RABGAP1: variants seen among roughly 807,000 people sequenced by gnomAD.
RABGAP1 encodes the protein RAB GTPase activating protein 1, also known as rab GTPase-activating protein 1.
RABGAP1 carries 23 observed loss-of-function variants against 137.6 expected under a neutral mutation model. The observed-to-expected ratio is 0.17, with a 90% CI of 0.12 to 0.24. The LOEUF (loss-of-function observed/expected upper bound fraction) is 0.24. RABGAP1 is among the 10% of genes least tolerant of loss of function. The pLI is 1.00. For missense variants in RABGAP1, 906 were observed against 1,275.8 expected (o/e 0.71, Z 4.42); for synonymous variants, 451 against 450.7 (o/e 1.00, Z -0.01).
intron 1 of RABGAP1, among the ~76,000 whole-genome samples, chr9:122,943,072 C>CTTTCTTTTTTT (rs1833696351): frequency 8.6e-6 from 1 of 116,224 alleles, no homozygotes; most frequent in African/African-American, 4.2e-5. Flanking sequence ...GGTGCACTTT[C>CTTTCTTTTTTT]TTTTTTTTTT....
At chr9:122,996,401 T>G in intron 7 of RABGAP1, 138 bp from the exon 8 acceptor site, 1 of 1,100,984 alleles carries the variant, frequency 9.1e-7, no homozygotes, top group Non-Finnish European at 1.3e-6. Flanking sequence ...AGGATTATTA[T>G]TTTAGCAACA....
intron 12 of RABGAP1, among the ~76,000 whole-genome samples, 154 bp from the exon 13 acceptor site, chr9:123,020,155 C>A (rs2031529868): frequency 6.6e-6 from 1 of 151,940 alleles, no homozygotes; most frequent in Non-Finnish European, 1.5e-5. Context: ...GTTATCTTGG[C>A]CTCATCTAAT....
chr9:123,076,996 A>G (rs2034531424), intron 19 of RABGAP1: 1 of 176,866 alleles, frequency 5.7e-6, no homozygotes, highest in South Asian at 1.9e-4. Context: ...TACGAATGAA[A>G]TCTCGTTGTC....
At chr9:123,072,780 C>T (rs1056363582) in intron 15 of RABGAP1, among the ~76,000 whole-genome samples, 2 of 152,224 alleles carry the variant, frequency 1.3e-5, no homozygotes, top group Non-Finnish European at 2.9e-5. Context: ...GATTTCTGTG[C>T]TCAGCCCGCC....
At chr9:122,952,519 C>A (rs181746252) in intron 1 of RABGAP1, among the ~76,000 whole-genome samples, 1 of 152,088 alleles carries the variant, frequency 6.6e-6, no homozygotes, top group Non-Finnish European at 1.5e-5. Context: ...CTGCCCGCCT[C>A]GGCCTCCCAA....
chr9:122,954,206 A>C (rs756436662), intron 1 of RABGAP1, among the ~76,000 whole-genome samples: 1 of 152,226 alleles, frequency 6.6e-6, no homozygotes, highest in Non-Finnish European at 1.5e-5. Flanking sequence ...TTTTGCCAGA[A>C]GTGCAGCAAG....
intron 17 of RABGAP1, 127 bp from the exon 18 acceptor site, chr9:123,076,118 T>G: frequency 1.0e-6 from 1 of 961,368 alleles, no homozygotes; most frequent in South Asian, 1.6e-5. Context: ...TTCAAGGTAG[T>G]TCTGAGATAA....
chr9:123,094,644 G>A (rs890779358), intron 21 of RABGAP1, among the ~76,000 whole-genome samples: 11 of 152,128 alleles, frequency 7.2e-5, no homozygotes, highest in African/African-American at 2.2e-4. Context: ...TTTGTCATTA[G>A]GGAATGCTGG....
chr9:123,016,993 A>G (rs1358458371), intron 12 of RABGAP1, among the ~76,000 whole-genome samples: 1 of 152,238 alleles, frequency 6.6e-6, no homozygotes. Flanking sequence ...ATTTGTCTTT[A>G]CACAAGTTGT....
At chr9:122,996,889 AT>A (rs1366991162) in intron 8 of RABGAP1, 1 of 441,652 alleles carries the variant, frequency 2.3e-6, no homozygotes, top group Non-Finnish European at 4.1e-6. Context: ...TTATTAAAGA[AT>A]GATTTATAGA....
intron 11 of RABGAP1, 37 bp downstream of exon 11, chr9:123,010,565 T>G (rs1343332604): frequency 6.4e-7 from 1 of 1,557,698 alleles, no homozygotes; most frequent in Non-Finnish European, 8.8e-7. Context: ...TTTTTGGGGG[T>G]GGAAGACCAT....
chr9:123,095,063 G>A (rs2132229205), intron 21 of RABGAP1, among the ~76,000 whole-genome samples: 1 of 151,400 alleles, frequency 6.6e-6, no homozygotes, highest in South Asian at 2.1e-4. Context: ...TTTAGCCTGG[G>A]CAACATGGCA....
rs966179670 is a variant in RABGAP1 at position 123,104,450 on chromosome 9, A to T, written c.*1237A>T. 1 of 152,168 alleles carries T rather than the reference A, an allele frequency of 6.6e-6. No homozygotes were observed. The highest frequency in any genetic ancestry group is 6.6e-5 in the Admixed American group (1 of 15,218). 9.4% of individuals were successfully genotyped at this position (152,168 alleles called of 1,614,324 possible). A position where few individuals can be genotyped will look rare whatever the true frequency, so the allele number is the denominator to read the frequency against. ...AAAAAAACTTTGACTTTTAATTTAT[A>T]TAGTGATATGCTGACAGGCTGACAC... On this transcript the variant is annotated 3_prime_UTR_variant, in exon 26 of 26. Coordinates refer to ENST00000373647, the MANE Select transcript of RABGAP1 (RefSeq NM_012197.4).
chr9:122,989,145 CAT>C (rs1836530150), intron 4 of RABGAP1, 150 bp from the exon 5 acceptor site: 3 of 705,684 alleles, frequency 4.3e-6, no homozygotes, highest in Admixed American at 2.7e-5. Context: ...CCGGAATTCA[CAT>C]ATGAGTTACT....
At chr9:123,002,689 A>G (rs779569179) in intron 10 of RABGAP1, among the ~76,000 whole-genome samples, 59 of 110,504 alleles carry the variant, frequency 5.3e-4, no homozygotes, top group Non-Finnish European at 1.0e-3. Context: ...TGTTAATTCA[A>G]TGTAAAACTT....
Position 123,010,542 on chromosome 9 carries a change from A to T in RABGAP1, c.1549+14A>T. 1 of 1,604,784 alleles carries T rather than the reference A, an allele frequency of 6.2e-7. No homozygotes were observed. Among genetic ancestry groups the T allele is most frequent in the Non-Finnish European group, 8.5e-7 (1 of 1,173,088 alleles). On this transcript the variant is annotated intron_variant, in intron 11 of 25. Transcript: ENST00000373647. ...ATGAAGAGGAAGGTAAACTGTAGGG[A>T]TAGCTTAATTTATTTTTGGGGGTGG...
chr9:123,007,478 A>G (rs554020826), intron 10 of RABGAP1, among the ~76,000 whole-genome samples: 12 of 150,188 alleles, frequency 8.0e-5, no homozygotes, highest in African/African-American at 2.9e-4. Flanking sequence ...CCCGGGCCCA[A>G]GTGATCCTCC....
intron 1 of RABGAP1, among the ~76,000 whole-genome samples, 169 bp downstream of exon 1, chr9:122,941,262 A>G (rs547011066): frequency 1.3e-5 from 2 of 152,018 alleles, no homozygotes; most frequent in South Asian, 4.2e-4. Context: ...GGGAGCCGTG[A>G]TTGGGGGGAG....
chr9:123,086,633 T>C (rs1216555587), intron 19 of RABGAP1, among the ~76,000 whole-genome samples: 1 of 148,198 alleles, frequency 6.7e-6, no homozygotes, highest in Non-Finnish European at 1.5e-5. Flanking sequence ...GCATCAGCCG[T>C]GAACCCATGA....
Sources: allele counts gnomAD v4.1 joint callset (sites outside exome capture counted in the v4.1 genomes callset), GRCh38; gene constraint gnomAD v4.1.1; transcripts MANE v1.5; gene names NCBI Gene and HGNC (gene_info 2026-07-23, HGNC 2026-07-21).